ATM: variants seen among roughly 807,000 people sequenced by gnomAD.
The protein encoded by ATM is ATM serine/threonine kinase, also known as serine-protein kinase ATM.
A neutral mutation model predicts 387.0 loss-of-function variants in ATM; 308 were observed. The ratio of observed to expected loss-of-function variants is 0.80; its 90% CI spans 0.73 to 0.87. ATM has a LOEUF of 0.87. Among genes scored for constraint, ATM ranks in the 40% least tolerant of loss-of-function variants. The pLI, the probability that ATM is intolerant of heterozygous loss-of-function variation, is 0.00. For synonymous variants in ATM, 1,156 were observed against 1,187.3 expected (o/e 0.97, Z 0.54); for missense variants, 3,312 against 3,560.9 (o/e 0.93, Z 1.78).
chr11:108,367,400 G>C lies in ATM; in HGVS notation c.*1892G>C. ...GCATTTCTCTGTGTTCTGTTGGAAG[G>C]GAAGGGCTTAGGTATCTAGTTTGAT... On this transcript the variant is annotated 3_prime_UTR_variant, in exon 63 of 63. Coordinates refer to ENST00000675843, the MANE Select transcript of ATM (RefSeq NM_000051.4). 5.1e-6 allele frequency: 1 copy of C among 197,134 alleles called. No individual in the cohort carries two copies. The highest frequency in any genetic ancestry group is 1.1e-5 in the Non-Finnish European group (1 of 95,106). 12.2% of individuals were successfully genotyped at this position (197,134 alleles called of 1,614,324 possible).
intron 31 of ATM, among the ~76,000 whole-genome samples, chr11:108,293,919 ATGTGTGTGTATATAAACACATACT>A (rs2082979513): frequency 8.5e-6 from 1 of 117,054 alleles, no homozygotes; most frequent in Non-Finnish European, 1.7e-5. Context: ...ATATATATAT[ATGTGTGTGTATATAAACACATACT>A]TGTGTGTGTG....
At position 108,317,615 on chromosome 11, in the gene ATM, TTATATATATATATATA is replaced by T. The variant is rs376158749; in HGVS notation, c.6347+117_6347+132del. 30 of 215,366 alleles carry T rather than the reference TTATATATATATATATA, an allele frequency of 1.4e-4. 2 individuals carry two copies. Among genetic ancestry groups the T allele is most frequent in the Admixed American group, 7.4e-4 (11 of 14,862 alleles). 13.3% of individuals were successfully genotyped at this position (215,366 alleles called of 1,614,324 possible). ...TTCTATGAATATAACAGGAGTTGTT[TTATATATATATATATA>T]TATATATATATATATATATATACAC... On this transcript the variant is annotated intron_variant, in intron 43 of 62. Coordinates refer to ENST00000675843, the MANE Select transcript of ATM (RefSeq NM_000051.4).
Position 108,329,167 on chromosome 11 carries a change from C to T in ATM, c.7236C>T (p.Asn2412=). ...ACATGAAATCATCGGAATTTGAAAACAAGCAAGCTCTCCTGAAAAGAGCCA... is the reference window on the plus strand; with the variant it reads ...ACATGAAATCATCGGAATTTGAAAATAAGCAAGCTCTCCTGAAAAGAGCCA... ...ENYMKSSEFE[N]KQALLKRAKE... is the part of the protein sequence containing the mutation. The change falls in exon 49 of 63, where the codon AAC becomes AAT. Residue 2412 remains asparagine, a synonymous_variant. Transcript: ENST00000675843. 1 of 1,614,054 alleles carries T rather than the reference C, an allele frequency of 6.2e-7. No homozygotes were observed. The highest frequency in any genetic ancestry group is 1.3e-5 in the African/African-American group (1 of 75,050).
intron 22 of ATM, among the ~76,000 whole-genome samples, chr11:108,274,350 TG>T (rs2081807089): frequency 6.6e-6 from 1 of 152,068 alleles, no homozygotes; most frequent in Non-Finnish European, 1.5e-5. Flanking sequence ...TTTTTTTGTG[TG>T]TGTGTGTCTC....
In ATM at chr11:108,292,759, C is replaced by G. The variant is rs770590652; in HGVS notation, c.4577C>G (p.Pro1526Arg). ...HLHVIVGTLI[P>R]LVYEQVEVQK... ...CATGTTATTGTTGGTACACTTATACCCCTTGTGTATGAGCAGGTGGAGGTT... is the reference window on the plus strand; with the variant it reads ...CATGTTATTGTTGGTACACTTATACGCCTTGTGTATGAGCAGGTGGAGGTT... The change falls in exon 30 of 63, where the codon CCC becomes CGC. Residue 1526 changes from proline (P) to arginine (R), a missense_variant. By Grantham distance (103) the Pro-to-Arg change is moderately radical. Coordinates refer to ENST00000675843, the MANE Select transcript of ATM (RefSeq NM_000051.4). 1 of 1,613,854 alleles carries G rather than the reference C, an allele frequency of 6.2e-7. No homozygotes were observed. Among genetic ancestry groups the G allele is most frequent in the Non-Finnish European group, 8.5e-7 (1 of 1,179,932 alleles).
intron 56 of ATM, 145 bp downstream of exon 56, chr11:108,336,106 C>A: frequency 3.2e-6 from 2 of 624,948 alleles, no homozygotes; most frequent in South Asian, 1.8e-5. Flanking sequence ...AGACCAGCCT[C>A]AGCAACATAG....
intron 29 of ATM, chr11:108,290,601 A>T (rs71488302): frequency 3.4e-5 from 5 of 145,140 alleles, no homozygotes; most frequent in African/African-American, 1.3e-4. Context: ...TTGTGCCACT[A>T]CACTCCAGCC....
intron 6 of ATM, among the ~76,000 whole-genome samples, chr11:108,244,347 G>T (rs2079724304): frequency 6.6e-6 from 1 of 152,118 alleles, no homozygotes; most frequent in South Asian, 2.1e-4. Flanking sequence ...CTGATGTTCT[G>T]TTGACCAGGA....
At chr11:108,289,547 A>T (rs2135757933) in intron 28 of ATM, 55 bp from the exon 29 acceptor site, 1 of 1,310,284 alleles carries the variant, frequency 7.6e-7, no homozygotes, top group Non-Finnish European at 1.1e-6. Flanking sequence ...AAGTGTATTT[A>T]TTGTAGCCGA....
At position 108,368,398 on chromosome 11, in the gene ATM, C is replaced by G. The variant is rs2091443107; in HGVS notation, c.*2890C>G. ...GTAGTTAGATTTTGAAAATATTAATCATAGAATAGTTGTTGTATGCTAAGT... is the reference window on the plus strand; with the variant it reads ...GTAGTTAGATTTTGAAAATATTAATGATAGAATAGTTGTTGTATGCTAAGT... On this transcript the variant is annotated 3_prime_UTR_variant, in exon 63 of 63. Transcript: ENST00000675843. 1 of 207,224 alleles carries G rather than the reference C, an allele frequency of 4.8e-6. No homozygotes were observed. The highest frequency in any genetic ancestry group is 5.9e-5 in the Admixed American group (1 of 16,826). 12.8% of individuals were successfully genotyped at this position (207,224 alleles called of 1,614,324 possible).
In ATM at chr11:108,329,221, TAA is replaced by T. The variant is rs1060501525; in HGVS notation, c.7293_7294del (p.Lys2431AsnfsTer18). ...KEEVGLLREH[K>X]IQTNRYTVKV... Reference sequence around the variant, plus strand: ...AGGAAGTAGGTCTCCTTAGGGAACATAAAATTCAGACAAACAGGTAACTAGGT... The same window carrying T: ...AGGAAGTAGGTCTCCTTAGGGAACATAATTCAGACAAACAGGTAACTAGGT... On this transcript the variant is annotated frameshift_variant, in exon 49 of 63. Transcript: ENST00000675843. LOFTEE classifies it high-confidence loss of function. The T allele has an allele frequency of 6.2e-7, 1 of 1,613,348 alleles. No homozygotes were observed. Among genetic ancestry groups the T allele is most frequent in the Non-Finnish European group, 8.5e-7 (1 of 1,179,448 alleles).
intron 59 of ATM, among the ~76,000 whole-genome samples, chr11:108,349,523 C>A (rs1048032587): frequency 1.3e-5 from 2 of 152,050 alleles, no homozygotes; most frequent in Non-Finnish European, 2.9e-5. Context: ...ATTAGCCGGG[C>A]GAGGTGGTGG....
chr11:108,350,089 A>G (rs2089000476), intron 59 of ATM, among the ~76,000 whole-genome samples: 2 of 152,222 alleles, frequency 1.3e-5, no homozygotes, highest in South Asian at 4.1e-4. Flanking sequence ...TACCATGGAA[A>G]TGAGACCAAG....
chr11:108,235,754 C>T lies in ATM; in HGVS notation c.416C>T (p.Ala139Val), dbSNP rs2135123562. The T allele has an allele frequency of 6.2e-7, 1 of 1,613,130 alleles. No homozygotes were observed. Among genetic ancestry groups the T allele is most frequent in the Non-Finnish European group, 8.5e-7 (1 of 1,179,280 alleles). ...KDSSNGAIYG[A>V]DCSNILLKDI... ...TCATCTAATGGTGCTATTTACGGAG[C>T]TGATTGTAGCAACATACTACTCAAA... is the stretch of plus-strand genomic sequence containing the variant. The change falls in exon 5 of 63, where the codon GCT (alanine) becomes GTT (valine). Residue 139 changes from alanine (A) to valine (V), a missense_variant. Ala to Val is a moderately conservative substitution (Grantham distance 64, BLOSUM62 0). Around this residue, in one of 4 missense-constraint regions of ATM, gnomAD observed 1,791 missense variants for 1,804.5 expected, o/e 0.99. Coordinates refer to ENST00000675843, the MANE Select transcript of ATM (RefSeq NM_000051.4).
intron 61 of ATM, among the ~76,000 whole-genome samples, chr11:108,363,228 A>ATTCAT (rs2090996154): frequency 2.6e-5 from 4 of 151,724 alleles, no homozygotes; most frequent in Admixed American, 2.6e-4. Flanking sequence ...CCTCTCTTGG[A>ATTCAT]TTCATTTCTT....
intron 59 of ATM, among the ~76,000 whole-genome samples, chr11:108,348,098 C>G (rs2088676423): frequency 6.6e-6 from 1 of 151,956 alleles, no homozygotes; most frequent in Non-Finnish European, 1.5e-5. Flanking sequence ...AGGAATATAT[C>G]AAGTTTTGTA....
At chr11:108,272,292 C>A (rs1384312918) in intron 20 of ATM, among the ~76,000 whole-genome samples, 1 of 151,920 alleles carries the variant, frequency 6.6e-6, no homozygotes, top group African/African-American at 2.4e-5. Flanking sequence ...CTATGGTAGC[C>A]CCCAAAAAAG....
chr11:108,278,699 C>T (rs1354743319), intron 22 of ATM, among the ~76,000 whole-genome samples: 2 of 151,850 alleles, frequency 1.3e-5, no homozygotes, highest in African/African-American at 4.8e-5. Context: ...ATGCCAGGCT[C>T]TTTTTTTTAA....
At chr11:108,334,931 A>T (rs200440370) in intron 54 of ATM, 38 bp from the exon 55 acceptor site, 1 of 1,590,310 alleles carries the variant, frequency 6.3e-7, no homozygotes, top group Non-Finnish European at 8.6e-7. Flanking sequence ...CAAATAGTGT[A>T]TCTGACCTAT....
Sources: allele counts gnomAD v4.1 joint callset (sites outside exome capture counted in the v4.1 genomes callset), GRCh38; gene constraint gnomAD v4.1.1; regional missense constraint gnomAD v4.1.1; transcripts MANE v1.5; gene names NCBI Gene and HGNC (gene_info 2026-07-23, HGNC 2026-07-21).